NUP62: variants seen among roughly 807,000 people sequenced by gnomAD.
NUP62 encodes nucleoporin 62.
For synonymous variants in NUP62, 305 were observed against 303.4 expected (o/e 1.01, Z -0.05); for missense variants, 647 against 689.4 (o/e 0.94, Z 0.69).
chr19:49,911,866 G>A (rs543165107), intron 2 of NUP62, among the ~76,000 whole-genome samples: 11 of 152,316 alleles, frequency 7.2e-5, no homozygotes, highest in South Asian at 6.2e-4. Flanking sequence ...AAGTGCCTGA[G>A]CCCCCAGGAC....
At chr19:49,926,360 T>C (rs919664813) in intron 2 of NUP62, among the ~76,000 whole-genome samples, 5 of 151,916 alleles carry the variant, frequency 3.3e-5, no homozygotes, top group Non-Finnish European at 5.9e-5. Context: ...CAAAACCCCG[T>C]CTCTACTAAA....
chr19:49,921,975 A>C lies in NUP62; in HGVS notation c.-78+5719T>G, dbSNP rs1310906941. 6.6e-6 allele frequency among the ~76,000 whole-genome samples: 1 copy of C among 152,196 alleles called. No individual in the cohort carries two copies. The highest frequency in any genetic ancestry group is 6.5e-5 in the Admixed American group (1 of 15,286). ...AAAGCAGCCCCGACGGCAGGGCCCT[A>C]GGGCCCCAGGCCAGGCCACCACGAC... On this transcript the variant is annotated intron_variant, in intron 2 of 2. Transcript: ENST00000352066. This position sits in a 1 kb window ranked among gnomAD's most constrained non-coding sequence, Gnocchi z 5.4.
chr19:49,922,871 C>T (rs1386279887), intron 2 of NUP62, among the ~76,000 whole-genome samples: 1 of 152,134 alleles, frequency 6.6e-6, no homozygotes, highest in African/African-American at 2.4e-5. Flanking sequence ...AGGTGGTCAG[C>T]AGTTCACCGG....
At chr19:49,928,886 AG>A (rs2075982584) in intron 1 of NUP62, 1 of 152,298 alleles carries the variant, frequency 6.6e-6, no homozygotes, top group African/African-American at 2.4e-5. Flanking sequence ...AAATCACAGG[AG>A]GAAGCAGGCC....
At chr19:49,915,015 C>A (rs1488368038) in intron 2 of NUP62, among the ~76,000 whole-genome samples, 1 of 152,038 alleles carries the variant, frequency 6.6e-6, no homozygotes, top group Non-Finnish European at 1.5e-5. Context: ...GCTGTGATTA[C>A]AGGAGTGAGC....
chr19:49,918,140 C>A (rs1239121676), intron 2 of NUP62, among the ~76,000 whole-genome samples: 1 of 151,632 alleles, frequency 6.6e-6, no homozygotes, highest in Non-Finnish European at 1.5e-5. Context: ...AATCACAGCT[C>A]ACTGCAGCCT....
At chr19:49,924,195 C>T (rs1459219523) in intron 2 of NUP62, among the ~76,000 whole-genome samples, 2 of 152,276 alleles carry the variant, frequency 1.3e-5, no homozygotes, top group Non-Finnish European at 2.9e-5. Flanking sequence ...GCTGAGGTCC[C>T]ATCTAACTGG....
At chr19:49,914,862 C>A (rs541933412) in intron 2 of NUP62, among the ~76,000 whole-genome samples, 1 of 151,128 alleles carries the variant, frequency 6.6e-6, no homozygotes, top group South Asian at 2.1e-4. Context: ...ACCTCAGCCT[C>A]CCGAGTAGCT....
rs113222331 is a variant in NUP62 at position 49,909,104 on chromosome 19, G to C, written c.704C>G (p.Thr235Ser). The change falls in exon 3 of 3, where the codon ACT becomes AGT. Residue 235 changes from threonine (T) to serine (S), a missense_variant. Thr to Ser is a moderately conservative substitution (Grantham distance 58, BLOSUM62 1). Transcript: ENST00000352066. ...IATAPTSSAT[T>S]GLSLCTPVTT... ...CACAGGGGTACAGAGGGAGAGTCCA[G>C]TGGTGGCAGATGAGGTTGGAGCAGT... 366 of 1,612,358 alleles carry C rather than the reference G, an allele frequency of 2.3e-4. No individual in the cohort carries two copies. The highest frequency in any genetic ancestry group is 3.0e-4 in the Non-Finnish European group (353 of 1,180,042).
chr19:49,923,146 C>A (rs563581677), intron 2 of NUP62, among the ~76,000 whole-genome samples: 171 of 152,256 alleles, frequency 1.1e-3, no homozygotes, highest in Non-Finnish European at 2.0e-3. Flanking sequence ...AGGGAAGGGG[C>A]TCTGGAGGAC....
In NUP62 at chr19:49,907,783, G is replaced by A. The variant is rs1378984346; in HGVS notation, c.*456C>T. On this transcript the variant is annotated 3_prime_UTR_variant, in exon 3 of 3. Transcript: ENST00000352066. ...ACTCCTGACCTCAAGTCATCTGCCC[G>A]CCTTGGCCACCCAAAGTGCTGAGAT... The A allele has an allele frequency of 1.0e-4, 33 of 331,224 alleles. No homozygotes were observed. Among genetic ancestry groups the A allele is most frequent in the Non-Finnish European group, 1.7e-4 (30 of 171,848 alleles). The allele number at this position is 331,224 out of a possible 1,614,324, so 20.5% of individuals were successfully genotyped here.
chr19:49,926,377 A>C (rs1323186851), intron 2 of NUP62, among the ~76,000 whole-genome samples: 1 of 152,048 alleles, frequency 6.6e-6, no homozygotes, highest in Non-Finnish European at 1.5e-5. Flanking sequence ...TAAAAATACA[A>C]AAATTAGCCA....
chr19:49,923,404 G>C (rs79342675), intron 2 of NUP62, among the ~76,000 whole-genome samples: 2 of 152,198 alleles, frequency 1.3e-5, no homozygotes, highest in Non-Finnish European at 2.9e-5. Context: ...AGCACAGGGC[G>C]GGGGGTTGTG....
intron 2 of NUP62, among the ~76,000 whole-genome samples, chr19:49,916,083 G>C (rs1244650825): frequency 6.6e-6 from 1 of 152,200 alleles, no homozygotes; most frequent in African/African-American, 2.4e-5. Flanking sequence ...GCAGCACACC[G>C]AGCCCTTCCT....
Position 49,909,517 on chromosome 19 carries a change from G to C in NUP62, c.291C>G (p.Leu97=), listed in dbSNP as rs2075407039. 2 of 1,614,072 alleles carry C rather than the reference G, an allele frequency of 1.2e-6. No individual in the cohort carries two copies. Among genetic ancestry groups the C allele is most frequent in the Non-Finnish European group, 1.7e-6 (2 of 1,180,046 alleles). ...GGGTGGCAGCTGTGTTGCTCAAGTT[G>C]AGCTTTGAAGCACCGATCCCCAAAG... ...GFSLGIGASK[L]NLSNTAATPA... The change falls in exon 3 of 3, where the codon CTC becomes CTG. Residue 97 remains leucine, a synonymous_variant. Transcript: ENST00000352066.
chr19:49,916,688 C>T (rs949227573), intron 2 of NUP62, among the ~76,000 whole-genome samples: 31 of 151,396 alleles, frequency 2.0e-4, no homozygotes, highest in Admixed American at 1.1e-3. Context: ...GGCATCAACC[C>T]GGGAGGCGGA....
rs1222154279 is a variant in NUP62, at chr19:49,907,272, G to A, written c.*967C>T. The A allele has an allele frequency of 1.0e-5, 3 of 294,490 alleles. No individual in the cohort carries two copies. Among genetic ancestry groups the A allele is most frequent in the East Asian group, 1.2e-4 (1 of 8,164 alleles). 18.2% of individuals were successfully genotyped at this position (294,490 alleles called of 1,614,324 possible). On this transcript the variant is annotated 3_prime_UTR_variant, in exon 3 of 3. Transcript: ENST00000352066. Reference sequence around the variant, plus strand: ...CCTGCAAGAAGGCCACCTGAGCTTCGGGTAGCTGGGAAGGCTTCCTGGAGG... The same window carrying A: ...CCTGCAAGAAGGCCACCTGAGCTTCAGGTAGCTGGGAAGGCTTCCTGGAGG...
Position 49,908,710 on chromosome 19 carries a change from G to T in NUP62, c.1098C>A (p.Ile366=), listed in dbSNP as rs564436380. The T allele has an allele frequency of 4.3e-6, 7 of 1,612,630 alleles. No homozygotes were observed. The African/African-American group carries it at 5.3e-5, about 12-fold the overall frequency. Residue 366 remains isoleucine (I), a synonymous_variant, in exon 3 of 3, where the codon ATC becomes ATA. Transcript: ENST00000352066. ...TQVNAWDRTL[I]ENGEKITSLH... ...GGCTGGTGATCTTTTCTCCATTCTC[G>T]ATCAGCGTGCGGTCCCAGGCGTTGA...
Position 49,921,719 on chromosome 19 carries a change from A to C in NUP62, c.-78+5975T>G, listed in dbSNP as rs1365232019. Among the ~76,000 whole-genome samples, 3 of 152,156 alleles carry C rather than the reference A, an allele frequency of 2.0e-5. No homozygotes were observed. The highest frequency in any genetic ancestry group is 7.2e-5 in the African/African-American group (3 of 41,434). On this transcript the variant is annotated intron_variant, in intron 2 of 2. Coordinates refer to ENST00000352066, the MANE Select transcript of NUP62 (RefSeq NM_016553.5). This position sits in a 1 kb window ranked among gnomAD's most constrained non-coding sequence, Gnocchi z 5.4. Reference sequence around the variant, plus strand: ...ACCTAGGGAGCCTAGGGGTCCCGTGAGGCCCTCCCACCATGGTTCCCCGCC... The same window carrying C: ...ACCTAGGGAGCCTAGGGGTCCCGTGCGGCCCTCCCACCATGGTTCCCCGCC...
Sources: gnomAD v4.1 joint callset for allele counts (sites outside exome capture counted in the v4.1 genomes callset) on GRCh38, gnomAD v4.1.1 for gene constraint, Gnocchi (gnomAD v3.1) non-coding constraint, MANE v1.5 for transcripts, NCBI Gene and HGNC (gene_info 2026-07-23, HGNC 2026-07-21) for gene names.